PIEZO1: variants seen among roughly 807,000 people sequenced by gnomAD.
PIEZO1 encodes the protein piezo-type mechanosensitive ion channel component 1.
Under a neutral mutation model 297.2 loss-of-function variants are expected in PIEZO1, and 296 were observed. The observed-to-expected ratio is 1.00, with a 90% confidence interval of 0.91 to 1.10. The LOEUF (loss-of-function observed/expected upper bound fraction) is 1.10, where lower values mean the gene tolerates loss of function less well. PIEZO1 is among the 50% of genes least tolerant of loss of function. The pLI is 0.00. For missense variants in PIEZO1, 5,018 were observed against 3,455.5 expected, an observed-to-expected ratio of 1.45 and a Z score of -11.34; for synonymous variants, 2,427 against 1,507.5, an observed-to-expected ratio of 1.61 and a Z score of -14.13.
At position 88,725,313 on chromosome 16, in the gene PIEZO1, G is replaced by A. The variant is rs554622113; in HGVS notation, c.4162+103C>T. 66 of 785,650 alleles carry A rather than the reference G, an allele frequency of 8.4e-5. No individual in the cohort carries two copies. The South Asian group carries it at 1.1e-3, about 13-fold the overall frequency. 48.7% of individuals were successfully genotyped at this position (785,650 alleles called of 1,614,324 possible). The stretch of plus-strand genomic sequence containing the variant: ...ATCATGCGGACAGGACAGGCGGGCT[G>A]GGAGCCCTGTGGGACGTCACATGGG... On this transcript the variant is annotated intron_variant, in intron 29 of 50. Transcript: ENST00000301015.
At chr16:88,773,073 C>T (rs1409603141) in intron 1 of PIEZO1, among the ~76,000 whole-genome samples, 1 of 152,254 alleles carries the variant, frequency 6.6e-6, no homozygotes, top group Non-Finnish European at 1.5e-5. Flanking sequence ...GGAGCTCGAG[C>T]TCGCTGTGCT....
rs954213293 is a variant in PIEZO1, at chr16:88,725,756, C to G, written c.3969-72G>C. The G allele has an allele frequency of 4.9e-6, 4 of 812,422 alleles. No individual in the cohort carries two copies. In the African/African-American group the frequency reaches 6.8e-5, roughly 14 times the overall value. The allele number at this position is 812,422 out of a possible 1,614,324, so 50.3% of individuals were successfully genotyped here. A position where few individuals can be genotyped will look rare whatever the true frequency, so the allele number is the denominator to read the frequency against. On this transcript the variant is annotated intron_variant, in intron 27 of 50. Coordinates refer to ENST00000301015, the MANE Select transcript of PIEZO1 (RefSeq NM_001142864.4). ...AGCAACATGGGCAGCCGCCGCTCCC[C>G]GCTCAGCCCGGGACAGCTCAGCCTG...
chr16:88,726,856 C>A lies in PIEZO1; in HGVS notation c.3558G>T (p.Gly1186=). The A allele has an allele frequency of 1.9e-6, 3 of 1,550,408 alleles. No homozygotes were observed. The highest frequency in any genetic ancestry group is 2.6e-6 in the Non-Finnish European group (3 of 1,146,930). ...AGAAGCAGGCCAGCAGGTAGCCCAGCCCGAAGATGCTGATGCGGGTGGCCC... is the reference window on the plus strand; with the variant it reads ...AGAAGCAGGCCAGCAGGTAGCCCAGACCGAAGATGCTGATGCGGGTGGCCC... ...VTGATRISIF[G]LGYLLACFYL... is the part of the protein sequence containing the mutation. The change falls in exon 25 of 51, where the codon GGG becomes GGT. Residue 1186 remains glycine (G), a synonymous_variant. Transcript: ENST00000301015.
At chr16:88,775,665 G>A (rs1597488931) in intron 1 of PIEZO1, among the ~76,000 whole-genome samples, 1 of 150,628 alleles carries the variant, frequency 6.6e-6, no homozygotes. Flanking sequence ...GGAGGCGGAG[G>A]GTGCAGTGAG....
chr16:88,720,064 C>T lies in PIEZO1; in HGVS notation c.6164+5G>A. On this transcript the variant is annotated splice_donor_5th_base_variant and intron_variant, in intron 42 of 50. Coordinates refer to ENST00000301015, the MANE Select transcript of PIEZO1 (RefSeq NM_001142864.4). ...GAGACCGAGCGCCCCCACGCGTGGG[C>T]CCACCTCTCAGTGACGGCGGGCAGG... is the stretch of plus-strand genomic sequence containing the variant. 1 of 1,550,208 alleles carries T rather than the reference C, an allele frequency of 6.5e-7. No individual in the cohort carries two copies. Among genetic ancestry groups the T allele is most frequent in the South Asian group, 1.2e-5 (1 of 84,052 alleles).
chr16:88,781,911 C>T (rs1002743133), intron 1 of PIEZO1, among the ~76,000 whole-genome samples: 2 of 152,218 alleles, frequency 1.3e-5, no homozygotes, highest in African/African-American at 2.4e-5. Flanking sequence ...CCCAGCTTGC[C>T]GGCCGTGGGT....
intron 1 of PIEZO1, among the ~76,000 whole-genome samples, chr16:88,765,582 G>A (rs114802614): frequency 6.6e-6 from 1 of 152,164 alleles, no homozygotes; most frequent in Non-Finnish European, 1.5e-5. Flanking sequence ...GGCCAGGTGA[G>A]CACCTCGTAT....
chr16:88,741,661 T>A, intron 4 of PIEZO1, 45 bp from the exon 5 acceptor site: 1 of 1,518,882 alleles, frequency 6.6e-7, no homozygotes, highest in Non-Finnish European at 8.8e-7. Flanking sequence ...AGAGGACAGG[T>A]GTGGGTGTGA....
At chr16:88,779,465 A>G (rs923785712) in intron 1 of PIEZO1, among the ~76,000 whole-genome samples, 2 of 151,920 alleles carry the variant, frequency 1.3e-5, no homozygotes, top group Non-Finnish European at 1.5e-5. Flanking sequence ...GGGGCCCCCA[A>G]CCTCCTTTCC....
chr16:88,750,707 T>C (rs1278532508), intron 1 of PIEZO1, among the ~76,000 whole-genome samples: 1 of 152,232 alleles, frequency 6.6e-6, no homozygotes, highest in Non-Finnish European at 1.5e-5. Flanking sequence ...TGTCAGGAGA[T>C]GAGGGGTGGG....
In PIEZO1 at chr16:88,725,577, C is replaced by A; in HGVS notation, c.4058+18G>T. The A allele has an allele frequency of 6.5e-7, 1 of 1,538,762 alleles. No individual in the cohort carries two copies. The highest frequency in any genetic ancestry group is 8.8e-7 in the Non-Finnish European group (1 of 1,136,696). On this transcript the variant is annotated intron_variant, in intron 28 of 50. Coordinates refer to ENST00000301015, the MANE Select transcript of PIEZO1 (RefSeq NM_001142864.4). ...TTGGGGGGAGGAGCCGGGGAGTCCC[C>A]GCCCCAGAGGCACCTACTGTCTTTT...
chr16:88,762,205 C>T (rs1016640095), intron 1 of PIEZO1, among the ~76,000 whole-genome samples: 1 of 152,152 alleles, frequency 6.6e-6, no homozygotes, highest in Non-Finnish European at 1.5e-5. Flanking sequence ...GTCTCCCTCC[C>T]GGCCCACCCA....
chr16:88,726,776 A>C lies in PIEZO1; in HGVS notation c.3638T>G (p.Val1213Gly). 1 of 1,550,184 alleles carries C rather than the reference A, an allele frequency of 6.5e-7. No individual in the cohort carries two copies. The highest frequency in any genetic ancestry group is 1.2e-5 in the South Asian group (1 of 84,064). ...LLQRDTRARL[V>G]LWDCLILYNV... ...GTACAGAATGAGGCAGTCCCACAGC[A>C]CGAGGCGGGCCCGTGTGTCCCTCTG... The change falls in exon 25 of 51, where the codon GTG (valine) becomes GGG (glycine). Residue 1213 changes from valine to glycine, a missense_variant. Physicochemically the swap from Val to Gly is moderately radical, Grantham distance 109. Coordinates refer to ENST00000301015, the MANE Select transcript of PIEZO1 (RefSeq NM_001142864.4).
Position 88,734,424 on chromosome 16 carries a change from G to A in PIEZO1, c.2112C>T (p.Pro704=). Residue 704 remains proline, a synonymous_variant, in exon 16 of 51, where the codon CCC becomes CCT. Coordinates refer to ENST00000301015, the MANE Select transcript of PIEZO1 (RefSeq NM_001142864.4). ...GCTCCATGTCGGTGAGCTGCATGAA[G>A]GGCCTGTGGAAGTAGTGCAGCTGCA... ...CILQLHYFHR[P]FMQLTDMEHV... is the part of the protein sequence containing the mutation. The A allele has an allele frequency of 3.9e-6, 6 of 1,549,952 alleles. No individual in the cohort carries two copies. Among genetic ancestry groups the A allele is most frequent in the Non-Finnish European group, 4.4e-6 (5 of 1,146,690 alleles).
intron 10 of PIEZO1, chr16:88,737,271 G>C: frequency 2.5e-6 from 1 of 394,448 alleles, no homozygotes; most frequent in South Asian, 2.6e-5. Flanking sequence ...CATTCTCTGG[G>C]GAGGGGTTGG....
chr16:88,721,734 G>T lies in PIEZO1; in HGVS notation c.5215-8C>A, dbSNP rs1410201846. ...CTTGACGACCACCGCGATCTGTGGG[G>T]GAGGGGGCTCAGCACGCGGGGAGGG... On this transcript the variant is annotated splice_polypyrimidine_tract_variant and splice_region_variant and intron_variant, in intron 37 of 50. Transcript: ENST00000301015. The T allele has an allele frequency of 2.6e-6, 4 of 1,538,040 alleles. No homozygotes were observed.
intron 39 of PIEZO1, 23 bp downstream of exon 39, chr16:88,721,143 G>C: frequency 6.8e-7 from 1 of 1,468,244 alleles, no homozygotes; most frequent in Admixed American, 2.4e-5. Context: ...TAGGCAGGAG[G>C]TTGTGAGGCA....
At chr16:88,743,735 A>G in intron 2 of PIEZO1, 1 of 434,536 alleles carries the variant, frequency 2.3e-6, no homozygotes, top group South Asian at 1.6e-5. Flanking sequence ...GCCCTCACGG[A>G]TGCCCAGGAC....
At chr16:88,737,872 G>C (rs1468862610) in intron 8 of PIEZO1, 58 bp from the exon 9 acceptor site, 1 of 1,532,536 alleles carries the variant, frequency 6.5e-7, no homozygotes, top group East Asian at 2.4e-5. Flanking sequence ...AGAGGCAGGA[G>C]GTCCTGAGAC....
Sources: gnomAD v4.1 joint callset for allele counts (sites outside exome capture counted in the v4.1 genomes callset) on GRCh38, gnomAD v4.1.1 for gene constraint, MANE v1.5 for transcripts, NCBI Gene and HGNC (gene_info 2026-07-23, HGNC 2026-07-21) for gene names.